Variants in KIAA0825 observed in about 807,000 individuals in gnomAD.
The protein encoded by KIAA0825 is KIAA0825, also known as uncharacterized protein KIAA0825.
A neutral mutation model predicts 147.6 loss-of-function variants in KIAA0825; 119 were observed. That is an observed-to-expected ratio of 0.81 (90% CI 0.69 to 0.94). The LOEUF (loss-of-function observed/expected upper bound fraction) is 0.94. Ranked by LOEUF, KIAA0825 falls within the 40% of genes least tolerant of loss-of-function variation. The probability of loss-of-function intolerance (pLI) is 0.00; values close to 1 mark genes in which losing one functional copy is unlikely to be tolerated. For missense variants in KIAA0825, 1,381 were observed against 1,472.7 expected (o/e 0.94, Z 1.02); for synonymous variants, 470 against 518.1 (o/e 0.91, Z 1.26).
At chr5:94,183,978 A>G (rs1769894207) in intron 20 of KIAA0825, among the ~76,000 whole-genome samples, 1 of 152,234 alleles carries the variant, frequency 6.6e-6, no homozygotes, top group Admixed American at 6.5e-5. Flanking sequence ...AATGTGGTTA[A>G]CCTGGAGACC....
At chr5:94,324,752 C>T (rs1377100817) in intron 20 of KIAA0825, among the ~76,000 whole-genome samples, 1 of 151,922 alleles carries the variant, frequency 6.6e-6, no homozygotes, top group Non-Finnish European at 1.5e-5. Context: ...GACAAGGTCA[C>T]AGCATTTTAA....
intron 5 of KIAA0825, among the ~76,000 whole-genome samples, chr5:94,492,346 G>A (rs904171388): frequency 6.6e-6 from 1 of 152,168 alleles, no homozygotes; most frequent in Non-Finnish European, 1.5e-5. Context: ...CTGTTCTTGG[G>A]AGGTAGTACT....
In KIAA0825 at chr5:94,381,120, C is replaced by CCCA. The variant is rs141278335; in HGVS notation, c.3710+3247_3710+3248insTGG. 4.6e-3 allele frequency among the ~76,000 whole-genome samples: 697 copies of CCCA among 152,236 alleles called. 3 individuals are homozygous for CCCA. The highest frequency in any genetic ancestry group is 7.7e-3 in the Non-Finnish European group (527 of 68,020). ...GTCTTCCAGACCTGTGGGCCTGTTG[C>CCCA]CTGGTTTCTGATCTGATACTTTTTC... is the stretch of plus-strand genomic sequence containing the variant. On this transcript the variant is annotated intron_variant, in intron 20 of 20. Coordinates refer to ENST00000682413, the MANE Select transcript of KIAA0825 (RefSeq NM_001145678.3).
chr5:94,269,461 A>G lies in KIAA0825; in HGVS notation c.3710+114907T>C, dbSNP rs533129196. ...TGAATGTAAATGGACTAAATTCTCC[A>G]GTCAGAAGACACAGAGTGGCTGAAT... On this transcript the variant is annotated intron_variant, in intron 20 of 20. Transcript: ENST00000682413. Among the ~76,000 whole-genome samples the G allele has an allele frequency of 2.6e-5, 4 of 152,290 alleles. No individual in the cohort carries two copies. In the East Asian group the frequency reaches 7.7e-4, roughly 29 times the overall value.
intron 1 of KIAA0825, among the ~76,000 whole-genome samples, chr5:94,589,864 G>T (rs1784028724): frequency 6.6e-6 from 1 of 150,702 alleles, no homozygotes; most frequent in Admixed American, 6.6e-5. Flanking sequence ...AGCAAAAAAG[G>T]TCAAACAGCA....
intron 20 of KIAA0825, among the ~76,000 whole-genome samples, chr5:94,234,215 C>A (rs992791158): frequency 7.4e-4 from 112 of 151,098 alleles, no homozygotes; most frequent in African/African-American, 2.7e-3. Context: ...AAAAAAAATA[C>A]AAAAAATTAG....
At chr5:94,210,937 T>C (rs1772652482) in intron 20 of KIAA0825, among the ~76,000 whole-genome samples, 2 of 152,332 alleles carry the variant, frequency 1.3e-5, no homozygotes, top group South Asian at 4.1e-4. Flanking sequence ...TTAATTATTT[T>C]AAACATGATA....
chr5:94,500,135 G>C (rs1228526185), intron 5 of KIAA0825, among the ~76,000 whole-genome samples: 1 of 152,096 alleles, frequency 6.6e-6, no homozygotes, highest in African/African-American at 2.4e-5. Context: ...GATGAGACTA[G>C]AGAATGCAGG....
intron 20 of KIAA0825, among the ~76,000 whole-genome samples, chr5:94,230,064 A>G (rs1287232600): frequency 1.4e-4 from 21 of 152,178 alleles, no homozygotes; most frequent in Admixed American, 1.3e-3. Context: ...GTTCGTGGGT[A>G]AGCATGAAGG....
chr5:94,369,757 C>G (rs146171942), intron 20 of KIAA0825, among the ~76,000 whole-genome samples: 4 of 152,206 alleles, frequency 2.6e-5, no homozygotes, highest in African/African-American at 7.2e-5. Context: ...TATATAGACA[C>G]GATCTCATTT....
chr5:94,453,649 A>G (rs867588714), intron 12 of KIAA0825, among the ~76,000 whole-genome samples: 3 of 152,288 alleles, frequency 2.0e-5, no homozygotes, highest in South Asian at 2.1e-4. Context: ...ACGAACCTCT[A>G]TAAAACAATC....
intron 14 of KIAA0825, among the ~76,000 whole-genome samples, chr5:94,421,152 G>T (rs1038780792): frequency 2.0e-4 from 31 of 152,278 alleles, no homozygotes; most frequent in African/African-American, 6.3e-4. Context: ...AAGCCATTTG[G>T]TCTGTGTCTT....
At position 94,379,996 on chromosome 5, in the gene KIAA0825, G is replaced by A. The variant is rs1584316985; in HGVS notation, c.3710+4372C>T. On this transcript the variant is annotated intron_variant, in intron 20 of 20. Transcript: ENST00000682413. ...AGCCTCCCCAGTAGCTGGGACTACA[G>A]GTGCCTACCACCACGCCCGGCTAAT... Among the ~76,000 whole-genome samples the A allele has an allele frequency of 1.3e-5, 2 of 151,736 alleles. 1 individual carries two copies. The highest frequency in any genetic ancestry group is 4.8e-5 in the African/African-American group (2 of 41,276).
At chr5:94,299,149 A>G (rs1162404371) in intron 20 of KIAA0825, among the ~76,000 whole-genome samples, 1 of 152,130 alleles carries the variant, frequency 6.6e-6, no homozygotes, top group African/African-American at 2.4e-5. Context: ...CATACAAGCT[A>G]AACTATGAAA....
At chr5:94,187,931 T>G (rs1770293915) in intron 20 of KIAA0825, among the ~76,000 whole-genome samples, 1 of 152,174 alleles carries the variant, frequency 6.6e-6, no homozygotes, top group South Asian at 2.1e-4. Flanking sequence ...TATGTTGAAA[T>G]CCTGACAGCC....
chr5:94,568,894 C>A, intron 2 of KIAA0825: 1 of 161,214 alleles, frequency 6.2e-6, no homozygotes, highest in South Asian at 1.8e-4. Flanking sequence ...AACTTTACTT[C>A]CTCTTTCTTC....
intron 20 of KIAA0825, among the ~76,000 whole-genome samples, chr5:94,329,910 T>C (rs1781092387): frequency 6.6e-6 from 1 of 151,764 alleles, no homozygotes; most frequent in South Asian, 2.1e-4. Context: ...AGTAGAAAGA[T>C]AGATAACAGA....
chr5:94,158,941 G>A (rs1308699768), intron 20 of KIAA0825, among the ~76,000 whole-genome samples: 1 of 152,180 alleles, frequency 6.6e-6, no homozygotes, highest in Non-Finnish European at 1.5e-5. Context: ...TGGCATATTG[G>A]TTAAGGTTGC....
At chr5:94,154,423 C>T (rs1766840092) in intron 20 of KIAA0825, among the ~76,000 whole-genome samples, 1 of 152,188 alleles carries the variant, frequency 6.6e-6, no homozygotes, top group Admixed American at 6.5e-5. Context: ...TGAAAATACA[C>T]ATATAAATAA....
Sources: allele counts gnomAD v4.1 joint callset (sites outside exome capture counted in the v4.1 genomes callset), GRCh38; gene constraint gnomAD v4.1.1; transcripts MANE v1.5; gene names NCBI Gene and HGNC (gene_info 2026-07-23, HGNC 2026-07-21).